The following PXN variants were observed in gnomAD, a reference collection of about 807,000 sequenced individuals.
The protein encoded by PXN is paxillin.
PXN carries 61 observed loss-of-function variants against 103.6 expected under a neutral mutation model. The ratio of observed to expected loss-of-function variants is 0.59; its 90% CI spans 0.48 to 0.73. The LOEUF (loss-of-function observed/expected upper bound fraction) is 0.73. PXN is among the 30% of genes least tolerant of loss of function. The pLI, the probability that PXN is intolerant of heterozygous loss-of-function variation, is 0.00. For missense variants in PXN, 1,274 were observed against 1,460.3 expected (o/e 0.87, Z 2.08); for synonymous variants, 562 against 607.8 (o/e 0.92, Z 1.11).
chr12:120,215,138 C>T lies in PXN; in HGVS notation c.2539G>A (p.Val847Ile), dbSNP rs1343996897. The change falls in exon 11 of 15, where the codon GTC (valine) becomes ATC (isoleucine). Residue 847 changes from valine (V) to isoleucine (I), a missense_variant. Transcript: ENST00000637617. The surrounding 1 kb of genome is among the most constrained non-coding windows in gnomAD (Gnocchi z 4.9). ...ATGGGCTTCTTGCAGGCCCCGCAGA[C>T]TCCTTTGGCGACTGTGGCGACCCCC... The part of the protein sequence containing the change: ...KLGVATVAKG[V>I]CGACKKPIAG... 6.4e-7 allele frequency: 1 copy of T among 1,573,464 alleles called. No homozygotes were observed. Among genetic ancestry groups the T allele is most frequent in the Admixed American group, 1.8e-5 (1 of 56,774 alleles).
intron 1 of PXN, among the ~76,000 whole-genome samples, chr12:120,256,472 C>T (rs1893031034): frequency 6.6e-6 from 1 of 151,896 alleles, no homozygotes; most frequent in Non-Finnish European, 1.5e-5. Flanking sequence ...GCCAGGTGGA[C>T]CTGCAGATGG....
At position 120,220,045 on chromosome 12, in the gene PXN, G is replaced by A; in HGVS notation, c.878C>T (p.Ser293Phe). The A allele has an allele frequency of 6.8e-7, 1 of 1,471,962 alleles. No homozygotes were observed. The highest frequency in any genetic ancestry group is 9.2e-7 in the Non-Finnish European group (1 of 1,084,238). The allele number at this position is 1,471,962 out of a possible 1,614,324, so 91.2% of individuals were successfully genotyped here. The change falls in exon 7 of 15, where the codon TCT (serine) becomes TTT (phenylalanine). Residue 293 changes from serine to phenylalanine, a missense_variant. By Grantham distance (155) the Ser-to-Phe change is radical (BLOSUM62 -2). Transcript: ENST00000637617. The surrounding 1 kb of genome is among the most constrained non-coding windows in gnomAD (Gnocchi z 6.1). ...VALSAPGLSSSAPSSYCSLPP... is the reference protein window; with the variant it reads ...VALSAPGLSSFAPSSYCSLPP... ...AAGGGAGCAGTATGAGGACGGAGCA[G>A]AGCTGGACAGCCCCGGGGCACTCAG... is the stretch of plus-strand genomic sequence containing the variant.
At chr12:120,244,412 C>T (rs1160345730) in intron 1 of PXN, among the ~76,000 whole-genome samples, 9 of 151,166 alleles carry the variant, frequency 6.0e-5, no homozygotes, top group Non-Finnish European at 1.0e-4. Context: ...TTTGGGAGGC[C>T]GAGGCGGGCG....
At position 120,210,542 on chromosome 12, in the gene PXN, C is replaced by A. The variant is rs1028299199; in HGVS notation, c.*1772G>T. ...TACAGAGAAAAAATAAAATCAAAAT[C>A]AAATTTTCAAATAACCACTGACTCA... is the stretch of plus-strand genomic sequence containing the variant. On this transcript the variant is annotated 3_prime_UTR_variant, in exon 15 of 15. Coordinates refer to ENST00000637617, the MANE Select transcript of PXN (RefSeq NM_001385981.1). The A allele has an allele frequency of 3.9e-5, 6 of 152,180 alleles. No homozygotes were observed. The highest frequency in any genetic ancestry group is 1.4e-4 in the African/African-American group (6 of 41,430). 9.4% of individuals were successfully genotyped at this position (152,180 alleles called of 1,614,324 possible).
At chr12:120,227,073 A>G in intron 1 of PXN, 28 of 986,230 alleles carry the variant, frequency 2.8e-5, no homozygotes, top group Non-Finnish European at 3.4e-5. Flanking sequence ...TAAGTCTCCT[A>G]AGTCTTTTCT....
At chr12:120,262,206 G>A (rs1409357372) in intron 1 of PXN, among the ~76,000 whole-genome samples, 1 of 152,110 alleles carries the variant, frequency 6.6e-6, no homozygotes, top group Non-Finnish European at 1.5e-5. Context: ...TTTTCCAAAG[G>A]GTCAAGACTG....
chr12:120,244,124 A>G (rs892957935), intron 1 of PXN, among the ~76,000 whole-genome samples: 1 of 149,812 alleles, frequency 6.7e-6, no homozygotes, highest in African/African-American at 2.5e-5. Context: ...ACAGGGCCCA[A>G]GTTGTTCCTA....
intron 1 of PXN, among the ~76,000 whole-genome samples, chr12:120,261,687 C>T (rs1893907920): frequency 1.3e-5 from 2 of 152,170 alleles, no homozygotes; most frequent in Admixed American, 1.3e-4. Context: ...GGCCTTCCAT[C>T]AGCCTCTCCA....
Position 120,217,242 on chromosome 12 carries a change from T to G in PXN, c.1717-126A>C. Reference sequence around the variant, plus strand: ...AAACCACCAAAGAACCAAGCGGAGGTGGGTGGAGGCACGGGGAGGGGGCAG... The same window carrying G: ...AAACCACCAAAGAACCAAGCGGAGGGGGGTGGAGGCACGGGGAGGGGGCAG... On this transcript the variant is annotated intron_variant, in intron 7 of 14. Coordinates refer to ENST00000637617, the MANE Select transcript of PXN (RefSeq NM_001385981.1). This position sits in a 1 kb window ranked among gnomAD's most constrained non-coding sequence, Gnocchi z 4.1. The G allele has an allele frequency of 2.5e-6, 2 of 805,572 alleles. No individual in the cohort carries two copies. The highest frequency in any genetic ancestry group is 4.0e-6 in the Non-Finnish European group (2 of 505,052). The allele number at this position is 805,572 out of a possible 1,614,324, so 49.9% of individuals were successfully genotyped here.
chr12:120,242,417 C>T (rs549314996), intron 1 of PXN, among the ~76,000 whole-genome samples: 5 of 152,038 alleles, frequency 3.3e-5, no homozygotes, highest in Admixed American at 3.3e-4. Flanking sequence ...GAGGGGTCAG[C>T]CTAAGCAGGT....
Position 120,215,610 on chromosome 12 carries a change from AGCC to A in PXN, c.2350_2352del (p.Gly784del), listed in dbSNP as rs1303293334. On this transcript the variant is annotated inframe_deletion, in exon 10 of 15. Transcript: ENST00000637617. This position sits in a 1 kb window ranked among gnomAD's most constrained non-coding sequence, Gnocchi z 4.9. ...CTGCTCCGCCCGCCGTCCCGAGGCC[AGCC>A]GGCCGCCCAGCACCGCTCCCCATCC... 17 of 1,611,170 alleles carry A rather than the reference AGCC, an allele frequency of 1.1e-5. No individual in the cohort carries two copies. The highest frequency in any genetic ancestry group is 1.3e-5 in the African/African-American group (1 of 74,862).
rs1191637511 is a variant in PXN, at chr12:120,212,468, G to A, written c.3092C>T (p.Pro1031Leu). Reference protein sequence around the residue: ...RGSLCSGCQKPITGRCITAMA... With the variant: ...RGSLCSGCQKLITGRCITAMA... ...GGCGGTGATGCAGCGGCCGGTGATG[G>A]GCTTCTGGCAGCCAGAACACAGCGA... The change falls in exon 15 of 15, where the codon CCC becomes CTC. Residue 1031 changes from proline (P) to leucine (L), a missense_variant. This residue lies in a region of PXN where 96 missense variants were observed against 151.3 expected (regional missense o/e 0.63). Transcript: ENST00000637617. The surrounding 1 kb of genome is among the most constrained non-coding windows in gnomAD (Gnocchi z 7.2). The A allele has an allele frequency of 4.3e-6, 7 of 1,613,858 alleles. No individual in the cohort carries two copies. Among genetic ancestry groups the A allele is most frequent in the Non-Finnish European group, 5.1e-6 (6 of 1,179,898 alleles).
intron 1 of PXN, among the ~76,000 whole-genome samples, chr12:120,232,260 A>G (rs1158292790): frequency 2.6e-5 from 4 of 152,190 alleles, no homozygotes; most frequent in African/African-American, 9.6e-5. Flanking sequence ...GCCTCAAGCC[A>G]TCTTCCTGCC....
At position 120,219,069 on chromosome 12, in the gene PXN, G is replaced by A; in HGVS notation, c.1716+138C>T. On this transcript the variant is annotated intron_variant, in intron 7 of 14. Coordinates refer to ENST00000637617, the MANE Select transcript of PXN (RefSeq NM_001385981.1). The surrounding 1 kb of genome is among the most constrained non-coding windows in gnomAD (Gnocchi z 6.5). Reference sequence around the variant, plus strand: ...GCCCACTGCCAAGTGCTGACTGTCAGGTCCGGCCACAGTGTCTCAGCATTT... The same window carrying A: ...GCCCACTGCCAAGTGCTGACTGTCAAGTCCGGCCACAGTGTCTCAGCATTT... 3.1e-6 allele frequency: 3 copies of A among 956,058 alleles called. No homozygotes were observed. The South Asian group carries it at 5.6e-5, about 18-fold the overall frequency. The allele number at this position is 956,058 out of a possible 1,614,324, so 59.2% of individuals were successfully genotyped here.
chr12:120,244,145 C>A (rs1271743138), intron 1 of PXN, among the ~76,000 whole-genome samples: 2 of 148,864 alleles, frequency 1.3e-5, no homozygotes, highest in African/African-American at 5.0e-5. Context: ...CTCTTCTATC[C>A]CAGAATGTCC....
Position 120,216,798 on chromosome 12 carries a change from C to G in PXN, c.1992+43G>C. 1 of 1,574,680 alleles carries G rather than the reference C, an allele frequency of 6.4e-7. No individual in the cohort carries two copies. On this transcript the variant is annotated intron_variant, in intron 8 of 14. Transcript: ENST00000637617. This position sits in a 1 kb window ranked among gnomAD's most constrained non-coding sequence, Gnocchi z 5.1. ...CAGGGAAGAACCCGGACCCCAGGTG[C>G]TTGGCTCTGGCCCAGCCCCAGCCAT...
At chr12:120,227,223 GGGTGT>G (rs1257484458) in intron 1 of PXN, 1 of 916,612 alleles carries the variant, frequency 1.1e-6, no homozygotes, top group East Asian at 1.2e-4. Context: ...AAAATTAGCT[GGGTGT>G]GGTGGCGCAT....
intron 2 of PXN, 36 bp from the exon 3 acceptor site, chr12:120,223,869 G>T (rs1282920839): frequency 6.8e-7 from 1 of 1,467,524 alleles, no homozygotes; most frequent in South Asian, 1.2e-5. Flanking sequence ...CTACCCCGAG[G>T]GGAGAAAAAG....
chr12:120,214,569 T>C lies in PXN; in HGVS notation c.2748+256A>G, dbSNP rs1228043010. On this transcript the variant is annotated intron_variant, in intron 12 of 14. Transcript: ENST00000637617. This position sits in a 1 kb window ranked among gnomAD's most constrained non-coding sequence, Gnocchi z 5.0. ...CTGGCATCCAACTCCATTTATCTCC[T>C]CAGGGCTCCTGAGTCCTGGGAGTCT... Among the ~76,000 whole-genome samples the C allele has an allele frequency of 6.6e-6, 1 of 152,170 alleles. No homozygotes were observed. Among genetic ancestry groups the C allele is most frequent in the Non-Finnish European group, 1.5e-5 (1 of 68,018 alleles).
Sources: gnomAD v4.1 joint callset for allele counts (sites outside exome capture counted in the v4.1 genomes callset) on GRCh38, gnomAD v4.1.1 for gene constraint, gnomAD v4.1.1 regional missense constraint, Gnocchi (gnomAD v3.1) non-coding constraint, MANE v1.5 for transcripts, NCBI Gene and HGNC (gene_info 2026-07-23, HGNC 2026-07-21) for gene names.